The following TG variants were observed in gnomAD, a reference collection of about 807,000 sequenced individuals.
TG encodes thyroglobulin, also known as thyroid hormones.
TG carries 270 observed loss-of-function variants against 324.7 expected under a neutral mutation model. That is an observed-to-expected ratio of 0.83 (90% CI 0.75 to 0.92). The LOEUF (loss-of-function observed/expected upper bound fraction) is 0.92. Ranked by LOEUF, TG falls within the 40% of genes least tolerant of loss-of-function variation. TG has a pLI of 0.00. For synonymous variants in TG, 1,401 were observed against 1,327.0 expected (o/e 1.06, Z -1.21); for missense variants, 3,591 against 3,456.4 (o/e 1.04, Z -0.98).
At chr8:132,997,510 A>G (rs899601413) in intron 35 of TG, among the ~76,000 whole-genome samples, 3 of 152,030 alleles carry the variant, frequency 2.0e-5, no homozygotes, top group African/African-American at 7.3e-5. Context: ...CCTTGAGGAG[A>G]GGAGGAGACA....
chr8:133,078,378 C>T (rs982636535), intron 41 of TG, among the ~76,000 whole-genome samples: 15 of 152,166 alleles, frequency 9.9e-5, no homozygotes, highest in African/African-American at 3.6e-4. Flanking sequence ...ACAACAGAGG[C>T]CCAGCCAGGG....
At chr8:133,060,163 C>A in intron 41 of TG, 1 of 1,612,694 alleles carries the variant, frequency 6.2e-7, no homozygotes, top group Non-Finnish European at 8.5e-7. Context: ...TTTCCCATTT[C>A]TTTCTTTTTC....
At chr8:133,075,477 T>A (rs1381985995) in intron 41 of TG, among the ~76,000 whole-genome samples, 1 of 152,218 alleles carries the variant, frequency 6.6e-6, no homozygotes, top group African/African-American at 2.4e-5. Flanking sequence ...AAGAACATTA[T>A]GAGATGGCAG....
intron 37 of TG, among the ~76,000 whole-genome samples, chr8:133,014,989 G>A (rs1018104447): frequency 6.6e-6 from 1 of 152,052 alleles, no homozygotes; most frequent in Non-Finnish European, 1.5e-5. Flanking sequence ...GGGTTCAAGC[G>A]ATTCTCATGC....
chr8:132,978,879 A>G (rs1322835339), intron 34 of TG, among the ~76,000 whole-genome samples: 2 of 152,202 alleles, frequency 1.3e-5, no homozygotes, highest in South Asian at 2.1e-4. Flanking sequence ...CCTAGCATTC[A>G]GAAAGAGAAA....
intron 45 of TG, among the ~76,000 whole-genome samples, chr8:133,122,295 A>C (rs1851204529): frequency 6.6e-6 from 1 of 152,224 alleles, no homozygotes; most frequent in African/African-American, 2.4e-5. Context: ...GAGGGAAATC[A>C]AAATCTCTAG....
At chr8:132,927,971 T>G (rs1306990717) in intron 22 of TG, among the ~76,000 whole-genome samples, 4 of 152,206 alleles carry the variant, frequency 2.6e-5, no homozygotes, top group African/African-American at 9.7e-5. Context: ...GCAATTAACA[T>G]GGATGGGCCA....
At chr8:132,869,295 C>T (rs1364096799) in intron 2 of TG, among the ~76,000 whole-genome samples, 1 of 152,206 alleles carries the variant, frequency 6.6e-6, no homozygotes, top group East Asian at 1.9e-4. Flanking sequence ...CCTGGCCTGA[C>T]CCCACCCATG....
At chr8:132,939,045 CAAAA>C (rs36002632) in intron 25 of TG, among the ~76,000 whole-genome samples, 1 of 67,774 alleles carries the variant, frequency 1.5e-5, no homozygotes, top group Non-Finnish European at 2.8e-5. Flanking sequence ...GCAGGAGTCT[CAAAA>C]AAAAAAAAAA....
At chr8:133,061,863 C>T (rs1418442835) in intron 41 of TG, among the ~76,000 whole-genome samples, 1 of 152,102 alleles carries the variant, frequency 6.6e-6, no homozygotes, top group African/African-American at 2.4e-5. Flanking sequence ...CTGCACTGCT[C>T]CATAATTTAA....
intron 5 of TG, among the ~76,000 whole-genome samples, chr8:132,876,644 CTGTT>C (rs1434095805): frequency 6.6e-6 from 1 of 152,196 alleles, no homozygotes; most frequent in African/African-American, 2.4e-5. Context: ...CTTACAATAT[CTGTT>C]TGGCTGGAAA....
At chr8:133,028,698 A>G (rs1322588428) in intron 40 of TG, among the ~76,000 whole-genome samples, 1 of 152,198 alleles carries the variant, frequency 6.6e-6, no homozygotes. Flanking sequence ...TCAAGGCTGT[A>G]AGTGGTGGAG....
At chr8:133,069,660 G>A (rs1305265084) in intron 41 of TG, among the ~76,000 whole-genome samples, 2 of 152,102 alleles carry the variant, frequency 1.3e-5, no homozygotes, top group Non-Finnish European at 2.9e-5. Context: ...ACTCTCGGCT[G>A]GGGCTCAGTA....
intron 43 of TG, among the ~76,000 whole-genome samples, chr8:133,101,465 A>G (rs1281514331): frequency 6.6e-6 from 1 of 152,188 alleles, no homozygotes; most frequent in Non-Finnish European, 1.5e-5. Context: ...TGAAGATGGC[A>G]GGTTCTGGAG....
chr8:133,015,110 G>A (rs1834903943), intron 37 of TG, among the ~76,000 whole-genome samples: 1 of 152,060 alleles, frequency 6.6e-6, no homozygotes, highest in Admixed American at 6.6e-5. Flanking sequence ...TGGCTTCAAG[G>A]GATCCACCTG....
At chr8:133,010,584 C>T (rs1258275307) in intron 35 of TG, among the ~76,000 whole-genome samples, 1 of 152,166 alleles carries the variant, frequency 6.6e-6, no homozygotes, top group East Asian at 1.9e-4. Context: ...TCAGCTCTCC[C>T]GAATGATCAT....
intron 16 of TG, among the ~76,000 whole-genome samples, chr8:132,903,061 A>G (rs796398710): frequency 5.3e-5 from 8 of 152,288 alleles, no homozygotes; most frequent in African/African-American, 1.9e-4. Flanking sequence ...TTTAACCCGG[A>G]GTCCTGCTGA....
At chr8:132,994,261 C>A (rs983438596) in intron 35 of TG, among the ~76,000 whole-genome samples, 4 of 152,132 alleles carry the variant, frequency 2.6e-5, no homozygotes, top group Non-Finnish European at 5.9e-5. Context: ...GCCTCTTGAG[C>A]CAAATGGAAT....
At chr8:132,900,387 C>T in intron 15 of TG, 48 bp downstream of exon 15, 1 of 1,542,474 alleles carries the variant, frequency 6.5e-7, no homozygotes. Context: ...TTCTGTGGGG[C>T]ACTGAGCGTG....
Sources: gnomAD v4.1 joint callset for allele counts (sites outside exome capture counted in the v4.1 genomes callset) on GRCh38, gnomAD v4.1.1 for gene constraint, MANE v1.5 for transcripts, NCBI Gene and HGNC (gene_info 2026-07-23, HGNC 2026-07-21) for gene names.